The following AUTS2 variants were observed in gnomAD, a reference collection of about 807,000 sequenced individuals.
The protein encoded by AUTS2 is autism susceptibility gene 2 protein.
AUTS2 carries 17 observed loss-of-function variants against 112.4 expected under a neutral mutation model. The observed-to-expected ratio is 0.15, with a 90% CI of 0.10 to 0.23. The LOEUF (loss-of-function observed/expected upper bound fraction) is 0.23. Ranked by LOEUF, AUTS2 falls within the 10% of genes least tolerant of loss-of-function variation. The pLI, the probability that AUTS2 is intolerant of heterozygous loss-of-function variation, is 1.00. For missense variants in AUTS2, 1,510 were observed against 1,701.6 expected, an observed-to-expected ratio of 0.89 and a Z score of 1.98; for synonymous variants, 751 against 702.7, an observed-to-expected ratio of 1.07 and a Z score of -1.09.
At chr7:69,937,422 C>T (rs1796457366) in intron 2 of AUTS2, among the ~76,000 whole-genome samples, 1 of 152,124 alleles carries the variant, frequency 6.6e-6, no homozygotes, top group Admixed American at 6.6e-5. Context: ...TCTGTTTTGG[C>T]AAGGTTGTTT....
chr7:70,211,353 GA>G, intron 4 of AUTS2, among the ~76,000 whole-genome samples: 1 of 142,636 alleles, frequency 7.0e-6, no homozygotes, highest in Admixed American at 7.0e-5. Flanking sequence ...TTTTTTAAAA[GA>G]AAAAAGACTT....
intron 2 of AUTS2, among the ~76,000 whole-genome samples, chr7:69,985,354 C>T (rs2129550743): frequency 6.6e-6 from 1 of 152,058 alleles, no homozygotes; most frequent in South Asian, 2.1e-4. Context: ...CACGGTGCCT[C>T]TGACTAGTTT....
chr7:70,639,037 A>G (rs960886545), intron 5 of AUTS2, among the ~76,000 whole-genome samples: 1 of 152,188 alleles, frequency 6.6e-6, no homozygotes, highest in Non-Finnish European at 1.5e-5. Flanking sequence ...TCATTAAGCC[A>G]TCTTAGCCCT....
intron 2 of AUTS2, among the ~76,000 whole-genome samples, chr7:69,975,162 T>G (rs1015639373): frequency 3.3e-5 from 5 of 152,124 alleles, no homozygotes; most frequent in African/African-American, 9.6e-5. Context: ...TCTTTTCTTT[T>G]TCTTTCAAGC....
At chr7:70,056,359 T>C (rs1056546295) in intron 2 of AUTS2, among the ~76,000 whole-genome samples, 4 of 152,198 alleles carry the variant, frequency 2.6e-5, no homozygotes, top group Non-Finnish European at 5.9e-5. Flanking sequence ...GCCTTTATAC[T>C]TTAATCATTC....
chr7:70,085,112 A>G (rs1803527112), intron 2 of AUTS2, among the ~76,000 whole-genome samples: 1 of 152,076 alleles, frequency 6.6e-6, no homozygotes, highest in Non-Finnish European at 1.5e-5. Flanking sequence ...TCTGAGCTCA[A>G]TCAATCCTCC....
chr7:70,302,552 T>C (rs1270276899), intron 4 of AUTS2, among the ~76,000 whole-genome samples: 1 of 151,330 alleles, frequency 6.6e-6, no homozygotes, highest in Non-Finnish European at 1.5e-5. Flanking sequence ...TTTCCTCTCC[T>C]CTCTATCCCC....
chr7:70,312,912 T>C (rs1489939542), intron 4 of AUTS2, among the ~76,000 whole-genome samples: 2 of 152,216 alleles, frequency 1.3e-5, no homozygotes, highest in African/African-American at 4.8e-5. Context: ...AAAAAATAGA[T>C]TTTGACACAC....
At chr7:70,602,578 C>T (rs1261362082) in intron 5 of AUTS2, among the ~76,000 whole-genome samples, 1 of 152,164 alleles carries the variant, frequency 6.6e-6, no homozygotes, top group African/African-American at 2.4e-5. Context: ...CACCCTGAGT[C>T]TCATTGAAGA....
intron 11 of AUTS2, among the ~76,000 whole-genome samples, chr7:70,772,835 C>G (rs549946357): frequency 6.6e-6 from 1 of 152,330 alleles, no homozygotes; most frequent in South Asian, 2.1e-4. Context: ...AAACTCCTTC[C>G]CCCAGTCTGC....
intron 6 of AUTS2, among the ~76,000 whole-genome samples, chr7:70,707,647 G>T (rs1035682264): frequency 6.6e-6 from 1 of 152,036 alleles, no homozygotes; most frequent in Non-Finnish European, 1.5e-5. Context: ...TAAAACATAA[G>T]GTCCCGGAGG....
chr7:69,884,894 A>G (rs537954641), intron 1 of AUTS2, among the ~76,000 whole-genome samples: 19 of 152,314 alleles, frequency 1.2e-4, no homozygotes, highest in African/African-American at 3.8e-4. Flanking sequence ...TATTTGGTCT[A>G]TGTCTCAGGT....
chr7:69,877,448 T>A (rs1417177689), intron 1 of AUTS2, among the ~76,000 whole-genome samples: 1 of 152,216 alleles, frequency 6.6e-6, no homozygotes, highest in Non-Finnish European at 1.5e-5. Flanking sequence ...AAGAATGAGA[T>A]GCATATTTAT....
intron 1 of AUTS2, among the ~76,000 whole-genome samples, chr7:69,779,214 C>T (rs1002004697): frequency 1.3e-5 from 2 of 151,770 alleles, no homozygotes; most frequent in South Asian, 4.2e-4. Flanking sequence ...AATACTACTA[C>T]AATTTTAGGA....
At chr7:70,230,941 C>T (rs1812013890) in intron 4 of AUTS2, among the ~76,000 whole-genome samples, 1 of 152,220 alleles carries the variant, frequency 6.6e-6, no homozygotes, top group Non-Finnish European at 1.5e-5. Flanking sequence ...CACACCCACC[C>T]CGACAGCACT....
chr7:69,834,148 C>T (rs1028277183), intron 1 of AUTS2, among the ~76,000 whole-genome samples: 9 of 152,144 alleles, frequency 5.9e-5, no homozygotes, highest in Non-Finnish European at 1.0e-4. Context: ...TGCACCTCTA[C>T]GTCACTCTTC....
At chr7:70,465,828 TG>T (rs781383834) in intron 5 of AUTS2, among the ~76,000 whole-genome samples, 51 of 152,134 alleles carry the variant, frequency 3.4e-4, no homozygotes, top group Non-Finnish European at 8.8e-5. Context: ...CACAGCTGTC[TG>T]TGTACCCCCA....
intron 2 of AUTS2, among the ~76,000 whole-genome samples, chr7:70,021,301 A>T (rs184728791): frequency 6.6e-6 from 1 of 152,162 alleles, no homozygotes; most frequent in East Asian, 1.9e-4. Flanking sequence ...TCTTGACTCC[A>T]CTTAAGCTCT....
At chr7:70,510,831 T>A (rs1362320612) in intron 5 of AUTS2, among the ~76,000 whole-genome samples, 2 of 151,914 alleles carry the variant, frequency 1.3e-5, no homozygotes, top group Admixed American at 1.3e-4. Flanking sequence ...AGTTTTAATT[T>A]ATTTATTTTT....
Sources: gnomAD v4.1 joint callset for allele counts (sites outside exome capture counted in the v4.1 genomes callset) on GRCh38, gnomAD v4.1.1 for gene constraint, MANE v1.5 for transcripts, NCBI Gene and HGNC (gene_info 2026-07-23, HGNC 2026-07-21) for gene names.